RETREG1: variants seen among roughly 807,000 people sequenced by gnomAD.
RETREG1 encodes reticulophagy regulator 1, also known as family with sequence similarity 134 member B.
A neutral mutation model predicts 54.8 loss-of-function variants in RETREG1; 44 were observed. The ratio of observed to expected loss-of-function variants is 0.80; its 90% CI spans 0.63 to 1.03. The LOEUF (loss-of-function observed/expected upper bound fraction) is 1.03, where lower values mean the gene tolerates loss of function less well. Ranked by LOEUF, RETREG1 falls within the 50% of genes least tolerant of loss-of-function variation. RETREG1 has a pLI of 0.00. For synonymous variants in RETREG1, 217 were observed against 238.5 expected (o/e 0.91, Z 0.83); for missense variants, 554 against 605.1 (o/e 0.92, Z 0.89).
chr5:16,491,051 G>A (rs929645265), intron 3 of RETREG1, among the ~76,000 whole-genome samples: 9 of 152,028 alleles, frequency 5.9e-5, no homozygotes, highest in African/African-American at 1.9e-4. Flanking sequence ...ATTACAACAC[G>A]TGCCCATAAT....
intron 1 of RETREG1, among the ~76,000 whole-genome samples, chr5:16,600,392 A>G (rs1743020225): frequency 6.6e-6 from 1 of 152,226 alleles, no homozygotes; most frequent in African/African-American, 2.4e-5. Context: ...CCCCGACAGA[A>G]GTAGGAGGTT....
At chr5:16,541,519 T>A (rs1360104757) in intron 3 of RETREG1, among the ~76,000 whole-genome samples, 1 of 152,052 alleles carries the variant, frequency 6.6e-6, no homozygotes, top group Non-Finnish European at 1.5e-5. Context: ...AAACCCTGTC[T>A]CTACTAAAAA....
In RETREG1 at chr5:16,477,815, G is replaced by A. The variant is rs73042393; in HGVS notation, c.874-27C>T. 2.9e-3 allele frequency: 4,727 copies of A among 1,612,602 alleles called. 116 individuals are homozygous for A. In the African/African-American group the frequency reaches 0.054, roughly 18 times the overall value. ...TGTGTTAATATAAATAAATACCAGC[G>A]GCACATTTTAAACTGCTGAAGGGAA... On this transcript the variant is annotated intron_variant, in intron 7 of 8. Coordinates refer to ENST00000306320, the MANE Select transcript of RETREG1 (RefSeq NM_001034850.3).
At chr5:16,508,367 T>C (rs1363558228) in intron 3 of RETREG1, among the ~76,000 whole-genome samples, 4 of 152,222 alleles carry the variant, frequency 2.6e-5, no homozygotes, top group African/African-American at 9.7e-5. Flanking sequence ...AAAGCACTTA[T>C]TGGCATAAGT....
intron 3 of RETREG1, among the ~76,000 whole-genome samples, chr5:16,554,283 T>C (rs1741627879): frequency 6.6e-6 from 1 of 152,254 alleles, no homozygotes; most frequent in Non-Finnish European, 1.5e-5. Flanking sequence ...TGAGCCTCGC[T>C]TGTTTCTCTG....
intron 3 of RETREG1, among the ~76,000 whole-genome samples, chr5:16,530,906 T>C (rs958482267): frequency 1.3e-5 from 2 of 152,144 alleles, no homozygotes; most frequent in African/African-American, 4.8e-5. Flanking sequence ...CACATTTTCC[T>C]TGTTGCTTTC....
In RETREG1 at chr5:16,553,631, G is replaced by T. The variant is rs367936402; in HGVS notation, c.458+12132C>A. 3.3e-5 allele frequency among the ~76,000 whole-genome samples: 5 copies of T among 151,412 alleles called. No homozygotes were observed. The East Asian group carries it at 9.7e-4, about 29-fold the overall frequency. On this transcript the variant is annotated intron_variant, in intron 3 of 8. Transcript: ENST00000306320. ...TTAAATATAAGCGCGGCTTTTTTTT[G>T]AAAAGCAAATGAATGAGGAGCACAA...
At chr5:16,478,829 T>C in intron 6 of RETREG1, 21 bp downstream of exon 6, 1 of 1,607,666 alleles carries the variant, frequency 6.2e-7, no homozygotes. Flanking sequence ...GCATAGAATC[T>C]AAAATATAAA....
chr5:16,615,856 T>C (rs1310010607), intron 1 of RETREG1: 1 of 152,226 alleles, frequency 6.6e-6, no homozygotes, highest in African/African-American at 2.4e-5. Context: ...ATGTTTGTTA[T>C]GAGGACACTT....
intron 3 of RETREG1, among the ~76,000 whole-genome samples, chr5:16,532,760 T>A (rs1179155296): frequency 6.6e-6 from 1 of 152,218 alleles, no homozygotes; most frequent in Non-Finnish European, 1.5e-5. Flanking sequence ...TATAAACTAT[T>A]CCAATTCCTG....
In RETREG1 at chr5:16,527,788, C is replaced by T. The variant is rs754719599; in HGVS notation, c.458+37975G>A. ...AGCTGTCCATAGCTTAGTACAATTT[C>T]GAGGGACTCTAATTTTTTTTTTTTT... On this transcript the variant is annotated intron_variant, in intron 3 of 8. Coordinates refer to ENST00000306320, the MANE Select transcript of RETREG1 (RefSeq NM_001034850.3). 6.0e-4 allele frequency among the ~76,000 whole-genome samples: 67 copies of T among 111,444 alleles called. 2 individuals are homozygous for T. Among genetic ancestry groups the T allele is most frequent in the African/African-American group, 2.0e-3 (64 of 32,040 alleles). The allele number at this position is 111,444 out of a possible 152,430, so 73.1% of individuals were successfully genotyped here.
At chr5:16,508,475 T>C in intron 3 of RETREG1, 2 of 1,143,362 alleles carry the variant, frequency 1.7e-6, no homozygotes, top group African/African-American at 1.5e-5. Flanking sequence ...TTCATATTTT[T>C]ACATTTTAAA....
intron 3 of RETREG1, among the ~76,000 whole-genome samples, chr5:16,514,698 C>G (rs184366457): frequency 7.9e-5 from 12 of 151,836 alleles, no homozygotes; most frequent in Admixed American, 2.0e-4. Context: ...ACCATTCCCC[C>G]CAAGTCCCCA....
At position 16,581,759 on chromosome 5, in the gene RETREG1, C is replaced by A. The variant is rs529638531; in HGVS notation, c.321-9657G>T. Reference sequence around the variant, plus strand: ...ACCAATTAAAAGAAAAAAAACGATACATTTTTAAATTAAAATACCATTTAT... The same window carrying A: ...ACCAATTAAAAGAAAAAAAACGATAAATTTTTAAATTAAAATACCATTTAT... On this transcript the variant is annotated intron_variant, in intron 1 of 8. Coordinates refer to ENST00000306320, the MANE Select transcript of RETREG1 (RefSeq NM_001034850.3). Among the ~76,000 whole-genome samples, 778 of 148,720 alleles carry A rather than the reference C, an allele frequency of 5.2e-3. 9 individuals are homozygous for A. The highest frequency in any genetic ancestry group is 0.017 in the African/African-American group (707 of 40,422).
intron 3 of RETREG1, among the ~76,000 whole-genome samples, chr5:16,521,604 G>A (rs74807260): frequency 0.039 from 5,900 of 152,316 alleles, 404 homozygotes; most frequent in African/African-American, 0.13. Flanking sequence ...AGAGACAGAG[G>A]TCTTTGTGGA....
At chr5:16,574,211 A>G (rs375137620) in intron 1 of RETREG1, among the ~76,000 whole-genome samples, 1,635 of 152,234 alleles carry the variant, frequency 0.011, 38 homozygotes, top group African/African-American at 0.037. Context: ...GTGCCTCAGC[A>G]GGAAGAGAAA....
Position 16,609,916 on chromosome 5 carries a change from G to A in RETREG1, c.320+6736C>T, listed in dbSNP as rs561368737. Among the ~76,000 whole-genome samples the A allele has an allele frequency of 8.7e-4, 133 of 152,262 alleles. 1 individual carries two copies. The highest frequency in any genetic ancestry group is 3.1e-3 in the African/African-American group (129 of 41,554). ...TTCCAGAAAGTGCTCAAACATAATG[G>A]TTCTCAAACTGGAACATGTATTGAA... On this transcript the variant is annotated intron_variant, in intron 1 of 8. Coordinates refer to ENST00000306320, the MANE Select transcript of RETREG1 (RefSeq NM_001034850.3).
chr5:16,590,348 C>G (rs1196722980), intron 1 of RETREG1, among the ~76,000 whole-genome samples: 3 of 152,212 alleles, frequency 2.0e-5, no homozygotes, highest in African/African-American at 7.2e-5. Context: ...CCTGTACGGC[C>G]AGGTTTCCTG....
At chr5:16,607,748 G>T (rs1461327389) in intron 1 of RETREG1, among the ~76,000 whole-genome samples, 1 of 152,058 alleles carries the variant, frequency 6.6e-6, no homozygotes, top group East Asian at 1.9e-4. Context: ...AAATTCCTTA[G>T]CATGGTCCAA....
Sources: allele counts gnomAD v4.1 joint callset (sites outside exome capture counted in the v4.1 genomes callset), GRCh38; gene constraint gnomAD v4.1.1; transcripts MANE v1.5; gene names NCBI Gene and HGNC (gene_info 2026-07-23, HGNC 2026-07-21).